The following RMST variants were observed in gnomAD, a reference collection of about 807,000 sequenced individuals.
The protein encoded by RMST is long intergenic non-protein coding RNA 54.
intron 10 of RMST, among the ~76,000 whole-genome samples, chr12:97,507,462 T>C (rs1878825093): frequency 6.6e-6 from 1 of 152,044 alleles, no homozygotes; most frequent in African/African-American, 2.4e-5. Context: ...CAATAAACAT[T>C]TTTGAGTTAG....
At chr12:97,540,876 G>A (rs1159989147) in intron 11 of RMST, among the ~76,000 whole-genome samples, 1 of 151,290 alleles carries the variant, frequency 6.6e-6, no homozygotes. Context: ...AAACTTCTAA[G>A]CAGTAAAATT....
At chr12:97,504,366 T>C (rs1442702146) in intron 10 of RMST, among the ~76,000 whole-genome samples, 1 of 140,678 alleles carries the variant, frequency 7.1e-6, no homozygotes, top group African/African-American at 2.7e-5. Context: ...ATTGCTTCAG[T>C]GCACTCCAAC....
chr12:97,494,268 A>T (rs1877166061), intron 8 of RMST, among the ~76,000 whole-genome samples: 1 of 152,236 alleles, frequency 6.6e-6, no homozygotes, highest in Admixed American at 6.5e-5. Context: ...GAATTTGAGC[A>T]GAGTAGAGGA....
intron 11 of RMST, among the ~76,000 whole-genome samples, chr12:97,531,878 C>T (rs538768137): frequency 6.6e-6 from 1 of 152,066 alleles, no homozygotes; most frequent in Non-Finnish European, 1.5e-5. Context: ...TTTTGCACAG[C>T]ATATCTATTT....
rs74239061 is a variant in RMST, at chr12:97,524,113, T to C, written n.1341-6542T>C. Among the ~76,000 whole-genome samples, 485 of 112,908 alleles carry C rather than the reference T, an allele frequency of 4.3e-3. 14 individuals carry two copies. In the East Asian group the frequency reaches 0.074, roughly 17 times the overall value. The allele number at this position is 112,908 out of a possible 152,430, so 74.1% of individuals were successfully genotyped here. A position where few individuals can be genotyped will look rare whatever the true frequency, so the allele number is the denominator to read the frequency against. Reference sequence around the variant, plus strand: ...AAAAAAAAAAAAAAAATCACATAACTGTATGGTTGAATATCCATTGTGTTC... The same window carrying C: ...AAAAAAAAAAAAAAAATCACATAACCGTATGGTTGAATATCCATTGTGTTC... On this transcript the variant is annotated intron_variant and non_coding_transcript_variant, in intron 10 of 13. Coordinates refer to ENST00000640149, the Ensembl canonical transcript of RMST.
intron 11 of RMST, among the ~76,000 whole-genome samples, chr12:97,550,190 G>A (rs935292914): frequency 1.3e-5 from 2 of 152,030 alleles, no homozygotes; most frequent in Admixed American, 6.6e-5. Context: ...TCGGGAGTTC[G>A]AGACCAGGCT....
intron 10 of RMST, among the ~76,000 whole-genome samples, chr12:97,528,907 A>G (rs1485112023): frequency 6.6e-6 from 1 of 152,102 alleles, no homozygotes; most frequent in Non-Finnish European, 1.5e-5. Flanking sequence ...ACTGAAAGTC[A>G]TATCACAGAT....
intron 11 of RMST, among the ~76,000 whole-genome samples, chr12:97,552,658 T>A (rs1883385886): frequency 6.6e-6 from 1 of 152,214 alleles, no homozygotes; most frequent in Non-Finnish European, 1.5e-5. Flanking sequence ...TCTTTACTCA[T>A]TCCTCTACCT....
At chr12:97,561,447 G>A (rs1884095038) in intron 13 of RMST, among the ~76,000 whole-genome samples, 1 of 151,954 alleles carries the variant, frequency 6.6e-6, no homozygotes, top group South Asian at 2.1e-4. Context: ...GCTTTCATTT[G>A]ATTTTTGGAA....
chr12:97,467,779 T>C (rs11109046), intron 5 of RMST, among the ~76,000 whole-genome samples: 1 of 151,806 alleles, frequency 6.6e-6, no homozygotes, highest in Non-Finnish European at 1.5e-5. Context: ...TTGAATTTGA[T>C]GCTATTTATC....
intron 11 of RMST, among the ~76,000 whole-genome samples, chr12:97,547,399 A>G (rs1883020380): frequency 6.6e-6 from 1 of 151,890 alleles, no homozygotes. Context: ...TTTCCTTTGG[A>G]CAAATACCCA....
At chr12:97,499,938 C>CACATAGCTCT (rs1877903175) in intron 10 of RMST, among the ~76,000 whole-genome samples, 1 of 152,156 alleles carries the variant, frequency 6.6e-6, no homozygotes, top group East Asian at 1.9e-4. Flanking sequence ...GGATTACAGG[C>CACATAGCTCT]ATGAGTCATC....
intron 10 of RMST, among the ~76,000 whole-genome samples, chr12:97,504,012 GC>G (rs1482840826): frequency 6.6e-6 from 1 of 152,092 alleles, no homozygotes; most frequent in Non-Finnish European, 1.5e-5. Flanking sequence ...TGCAACCTCT[GC>G]CTCCTGGGTT....
chr12:97,564,072 C>T (rs1037186219), intron 13 of RMST: 44 of 336,152 alleles, frequency 1.3e-4, no homozygotes, highest in Admixed American at 3.5e-4. Context: ...GATTCATATT[C>T]GTAATCATTG....
intron 10 of RMST, among the ~76,000 whole-genome samples, chr12:97,512,051 G>A (rs1879376860): frequency 6.6e-6 from 1 of 152,196 alleles, no homozygotes; most frequent in Non-Finnish European, 1.5e-5. Flanking sequence ...TGTTCCTTCT[G>A]ATGTTCAGAT....
chr12:97,473,344 CT>C (rs1198214356), intron 5 of RMST, among the ~76,000 whole-genome samples: 2 of 152,080 alleles, frequency 1.3e-5, no homozygotes, highest in African/African-American at 4.8e-5. Context: ...AAATATTTTA[CT>C]TTATTGAAGG....
At chr12:97,517,338 A>G (rs1592723206) in intron 10 of RMST, among the ~76,000 whole-genome samples, 1 of 151,910 alleles carries the variant, frequency 6.6e-6, no homozygotes, top group Admixed American at 6.6e-5. Context: ...CAAATATTAT[A>G]TAAGTTAAAA....
At position 97,479,133 on chromosome 12, in the gene RMST, C is replaced by CTTTTTTTTTTTT. The variant is rs386377507; in HGVS notation, n.645-13315_645-13304dup. On this transcript the variant is annotated intron_variant and non_coding_transcript_variant, in intron 5 of 13. Coordinates refer to ENST00000640149, the Ensembl canonical transcript of RMST. Reference sequence around the variant, plus strand: ...TACTTTGGGTGTTTCCTTGTCTTTGCTTTTTTTTTTTTTTTTTTTTTTTTG... The same window carrying CTTTTTTTTTTTT: ...TACTTTGGGTGTTTCCTTGTCTTTGCTTTTTTTTTTTTTTTTTTTTTTTTTTTTTTTTTTTTG... Among the ~76,000 whole-genome samples the CTTTTTTTTTTTT allele has an allele frequency of 1.6e-3, 109 of 69,044 alleles. 5 individuals are homozygous for CTTTTTTTTTTTT. Among genetic ancestry groups the CTTTTTTTTTTTT allele is most frequent in the African/African-American group, 1.8e-3 (29 of 16,112 alleles). 45.3% of individuals were successfully genotyped at this position (69,044 alleles called of 152,430 possible). A position where few individuals can be genotyped will look rare whatever the true frequency, so the allele number is the denominator to read the frequency against.
intron 10 of RMST, among the ~76,000 whole-genome samples, chr12:97,510,014 T>C (rs1879112143): frequency 6.6e-6 from 1 of 152,194 alleles, no homozygotes; most frequent in Non-Finnish European, 1.5e-5. Context: ...GTTTGACACA[T>C]AGAGGGTGGT....
Sources: allele counts gnomAD v4.1 joint callset (sites outside exome capture counted in the v4.1 genomes callset), GRCh38; gene constraint gnomAD v4.1.1; transcripts MANE v1.5; gene names NCBI Gene and HGNC (gene_info 2026-07-23, HGNC 2026-07-21).